The following ANKRD34A variants were observed in gnomAD, a reference collection of about 807,000 sequenced individuals.
The protein encoded by ANKRD34A is ankyrin repeat domain-containing protein 34A.
In ANKRD34A, 7 loss-of-function variants were observed where a neutral mutation model predicts 27.1. That is an observed-to-expected ratio of 0.26 (90% confidence interval 0.15 to 0.49). The LOEUF (loss-of-function observed/expected upper bound fraction) is 0.49. Among genes scored for constraint, ANKRD34A ranks in the 20% least tolerant of loss-of-function variants. ANKRD34A has a pLI of 0.99. For missense variants in ANKRD34A, 472 were observed against 682.1 expected (o/e 0.69, Z 3.43); for synonymous variants, 301 against 300.8 (o/e 1.00, Z -0.01).
chr1:145,961,905 G>T lies in ANKRD34A; in HGVS notation c.-120-26C>A, dbSNP rs1649783284. On this transcript the variant is annotated intron_variant, in intron 3 of 3. Transcript: ENST00000606888. The surrounding 1 kb of genome is among the most constrained non-coding windows in gnomAD (Gnocchi z 9.5). Reference sequence around the variant, plus strand: ...CTGCAAGAGAGACATCTCATTGATAGATTCGGCAGGAAAACTGAGGCACAG... The same window carrying T: ...CTGCAAGAGAGACATCTCATTGATATATTCGGCAGGAAAACTGAGGCACAG... 2 of 976,168 alleles carry T rather than the reference G, an allele frequency of 2.0e-6. No homozygotes were observed. Among genetic ancestry groups the T allele is most frequent in the Non-Finnish European group, 2.9e-6 (2 of 683,882 alleles). 60.5% of individuals were successfully genotyped at this position (976,168 alleles called of 1,614,324 possible). A position where few individuals can be genotyped will look rare whatever the true frequency, so the allele number is the denominator to read the frequency against.
Position 145,961,720 on chromosome 1 carries a change from C to G in ANKRD34A, c.40G>C (p.Gly14Arg). 1 of 1,613,794 alleles carries G rather than the reference C, an allele frequency of 6.2e-7. No individual in the cohort carries two copies. Among genetic ancestry groups the G allele is most frequent in the Non-Finnish European group, 8.5e-7 (1 of 1,179,888 alleles). The part of the protein sequence containing the change: ...TEGHALLRAV[G>R]QGKLRLARLL... ...CGGGCCAAGCGTAGCTTACCCTGACCCACCGCCCGAAGAAGAGCGTGGCCC... is the reference window on the plus strand; with the variant it reads ...CGGGCCAAGCGTAGCTTACCCTGACGCACCGCCCGAAGAAGAGCGTGGCCC... Residue 14 changes from glycine to arginine, a missense_variant, in exon 4 of 4, where the codon GGT becomes CGT. Coordinates refer to ENST00000606888, the MANE Select transcript of ANKRD34A (RefSeq NM_001039888.4). The surrounding 1 kb of genome is among the most constrained non-coding windows in gnomAD (Gnocchi z 9.5).
rs1649661702 is a variant in ANKRD34A, at chr1:145,960,069, C to T, written c.*200G>A. 3.5e-6 allele frequency: 2 copies of T among 567,814 alleles called. No homozygotes were observed. Among genetic ancestry groups the T allele is most frequent in the East Asian group, 3.4e-5 (1 of 29,732 alleles). 35.2% of individuals were successfully genotyped at this position (567,814 alleles called of 1,614,324 possible). A position where few individuals can be genotyped will look rare whatever the true frequency, so the allele number is the denominator to read the frequency against. ...GGGCATGAATACATGTGTGTATATA[C>T]CCAGTAAATAGAGTACTTATTCTTT... On this transcript the variant is annotated 3_prime_UTR_variant, in exon 4 of 4. Transcript: ENST00000606888. The surrounding 1 kb of genome is among the most constrained non-coding windows in gnomAD (Gnocchi z 5.5).
In ANKRD34A at chr1:145,960,787, G is replaced by A. The variant is rs200631287; in HGVS notation, c.973C>T (p.Pro325Ser). 1 of 1,614,230 alleles carries A rather than the reference G, an allele frequency of 6.2e-7. No individual in the cohort carries two copies. Among genetic ancestry groups the A allele is most frequent in the Admixed American group, 1.7e-5 (1 of 60,034 alleles). Residue 325 changes from proline to serine, a missense_variant, in exon 4 of 4, where the codon CCC becomes TCC. Coordinates refer to ENST00000606888, the MANE Select transcript of ANKRD34A (RefSeq NM_001039888.4). The surrounding 1 kb of genome is among the most constrained non-coding windows in gnomAD (Gnocchi z 5.5). ...AGTTTCTGCCTCAGCCCTGAAGGGG[G>A]ACCAGACTCCTGAGCTTCTGGTGCT... ...NTAPEAQESG[P>S]PSGLRQKLSR...
Position 145,960,817 on chromosome 1 carries a change from T to A in ANKRD34A, c.943A>T (p.Asn315Tyr). The change falls in exon 4 of 4, where the codon AAC (asparagine) becomes TAC (tyrosine). Residue 315 changes from asparagine (N) to tyrosine (Y), a missense_variant. Asn to Tyr is a moderately radical substitution (Grantham distance 143). This residue lies in a region of ANKRD34A where 295 missense variants were observed against 335.0 expected (regional missense o/e 0.88). Coordinates refer to ENST00000606888, the MANE Select transcript of ANKRD34A (RefSeq NM_001039888.4). The surrounding 1 kb of genome is among the most constrained non-coding windows in gnomAD (Gnocchi z 5.5). Reference protein sequence around the residue: ...VTSGGPLSRRNTAPEAQESGP... With the variant: ...VTSGGPLSRRYTAPEAQESGP... ...GACTCCTGAGCTTCTGGTGCTGTGT[T>A]TCGGCGAGAGAGAGGACCCCCGCTA... 6.2e-7 allele frequency: 1 copy of A among 1,614,248 alleles called. No homozygotes were observed. The highest frequency in any genetic ancestry group is 8.5e-7 in the Non-Finnish European group (1 of 1,180,034).
chr1:145,961,822 G>T lies in ANKRD34A; in HGVS notation c.-63C>A. The stretch of plus-strand genomic sequence containing the variant: ...CTGAGACCTGCCGAGGATGACTAGG[G>T]GTATGGGGAGGGGGAGTGGCTGGCA... On this transcript the variant is annotated 5_prime_UTR_variant, in exon 4 of 4. Coordinates refer to ENST00000606888, the MANE Select transcript of ANKRD34A (RefSeq NM_001039888.4). This position sits in a 1 kb window ranked among gnomAD's most constrained non-coding sequence, Gnocchi z 9.5. 2.0e-6 allele frequency: 3 copies of T among 1,516,636 alleles called. No individual in the cohort carries two copies. Among genetic ancestry groups the T allele is most frequent in the Admixed American group, 4.2e-5 (2 of 47,522 alleles). 93.9% of individuals were successfully genotyped at this position (1,516,636 alleles called of 1,614,324 possible). A position where few individuals can be genotyped will look rare whatever the true frequency, so the allele number is the denominator to read the frequency against.
At chr1:145,962,060 A>C (rs2101919483) in intron 3 of ANKRD34A, among the ~76,000 whole-genome samples, 181 bp from the exon 4 acceptor site, 1 of 152,046 alleles carries the variant, frequency 6.6e-6, no homozygotes, top group East Asian at 2.0e-4. Context: ...CCCGCACTGA[A>C]GGACTAGCGC....
At position 145,959,777 on chromosome 1, in the gene ANKRD34A, C is replaced by A; in HGVS notation, c.*492G>T. ...GCAGGGTGTGAATAAGGAGCCAGGC[C>A]TGGAGAAAGAAGCAAGACCTGCAGA... On this transcript the variant is annotated 3_prime_UTR_variant, in exon 4 of 4. Transcript: ENST00000606888. The A allele has an allele frequency of 5.8e-6, 1 of 173,036 alleles. No homozygotes were observed. The highest frequency in any genetic ancestry group is 1.4e-5 in the Non-Finnish European group (1 of 71,326). The allele number at this position is 173,036 out of a possible 1,614,324, so 10.7% of individuals were successfully genotyped here. A position where few individuals can be genotyped will look rare whatever the true frequency, so the allele number is the denominator to read the frequency against.
In ANKRD34A at chr1:145,960,755, G is replaced by A. The variant is rs782074916; in HGVS notation, c.1005C>T (p.Arg335=). 1.9e-6 allele frequency: 3 copies of A among 1,614,120 alleles called. No homozygotes were observed. The highest frequency in any genetic ancestry group is 1.1e-5 in the South Asian group (1 of 91,092). ...GGGTGTCCAGCTCCACTGGCTCCATGCGGCTCAGTTTCTGCCTCAGCCCTG... is the reference window on the plus strand; with the variant it reads ...GGGTGTCCAGCTCCACTGGCTCCATACGGCTCAGTTTCTGCCTCAGCCCTG... ...PPSGLRQKLS[R]MEPVELDTPG... is the part of the protein sequence containing the mutation. Residue 335 remains arginine (R), a synonymous_variant, in exon 4 of 4, where the codon CGC becomes CGT. Transcript: ENST00000606888. This position sits in a 1 kb window ranked among gnomAD's most constrained non-coding sequence, Gnocchi z 5.5.
chr1:145,961,820 G>C lies in ANKRD34A; in HGVS notation c.-61C>G, dbSNP rs1570983256. 6.6e-7 allele frequency: 1 copy of C among 1,523,428 alleles called. No homozygotes were observed. Among genetic ancestry groups the C allele is most frequent in the South Asian group, 1.2e-5 (1 of 80,632 alleles). 94.4% of individuals were successfully genotyped at this position (1,523,428 alleles called of 1,614,324 possible). On this transcript the variant is annotated 5_prime_UTR_variant, in exon 4 of 4. Transcript: ENST00000606888. This position sits in a 1 kb window ranked among gnomAD's most constrained non-coding sequence, Gnocchi z 9.5. Reference sequence around the variant, plus strand: ...GACTGAGACCTGCCGAGGATGACTAGGGGTATGGGGAGGGGGAGTGGCTGG... The same window carrying C: ...GACTGAGACCTGCCGAGGATGACTACGGGTATGGGGAGGGGGAGTGGCTGG...
intron 1 of ANKRD34A, among the ~76,000 whole-genome samples, 198 bp downstream of exon 1, chr1:145,963,986 A>T (rs782612070): frequency 5.3e-5 from 8 of 152,162 alleles, no homozygotes; most frequent in Non-Finnish European, 7.4e-5. Flanking sequence ...CCTAGATTTC[A>T]TCTCCATTCT....
Position 145,961,083 on chromosome 1 carries a change from G to A in ANKRD34A, c.677C>T (p.Ser226Phe). 6.2e-7 allele frequency: 1 copy of A among 1,613,810 alleles called. No individual in the cohort carries two copies. The highest frequency in any genetic ancestry group is 1.7e-5 in the Admixed American group (1 of 60,026). The stretch of plus-strand genomic sequence containing the variant: ...TGGTTTGGGGAGCGGCTCGGAAGGG[G>A]ATGGGTCATCGGGGGGCTTAGGAAG... Reference protein sequence around the residue: ...FPLPKPPDDPSPSEPLPKPPR... With the variant: ...FPLPKPPDDPFPSEPLPKPPR... The change falls in exon 4 of 4, where the codon TCC becomes TTC. Residue 226 changes from serine to phenylalanine, a missense_variant. This residue lies in a region of ANKRD34A where 295 missense variants were observed against 335.0 expected (regional missense o/e 0.88). Transcript: ENST00000606888. This position sits in a 1 kb window ranked among gnomAD's most constrained non-coding sequence, Gnocchi z 9.5.
In ANKRD34A at chr1:145,959,489, T is replaced by A. The variant is rs1296203556; in HGVS notation, c.*780A>T. On this transcript the variant is annotated 3_prime_UTR_variant, in exon 4 of 4. Transcript: ENST00000606888. ...TATGTCAAGTGGAGAGAGGAGTGAT[T>A]TAGGGTTTCTCCCCACTTCTACCTG... 1.2e-5 allele frequency: 2 copies of A among 166,986 alleles called. No individual in the cohort carries two copies. Among genetic ancestry groups the A allele is most frequent in the Non-Finnish European group, 1.5e-5 (1 of 68,102 alleles). The allele number at this position is 166,986 out of a possible 1,614,324, so 10.3% of individuals were successfully genotyped here.
Position 145,961,309 on chromosome 1 carries a change from A to T in ANKRD34A, c.451T>A (p.Ser151Thr). Residue 151 changes from serine to threonine, a missense_variant, in exon 4 of 4, where the codon TCA becomes ACA. Ser to Thr is a moderately conservative substitution (Grantham distance 58). Around this residue, in one of 4 missense-constraint regions of ANKRD34A, gnomAD observed 118 missense variants for 253.6 expected, o/e 0.47. Coordinates refer to ENST00000606888, the MANE Select transcript of ANKRD34A (RefSeq NM_001039888.4). The surrounding 1 kb of genome is among the most constrained non-coding windows in gnomAD (Gnocchi z 9.5). The stretch of plus-strand genomic sequence containing the variant: ...TACTGCCGGGTCTTCTTGGTGCCTG[A>T]GGGCGAGGTATCGGTGGTGATGATG... ...VIIITTDTSP[S>T]GTKKTRQYLN... 1 of 1,613,916 alleles carries T rather than the reference A, an allele frequency of 6.2e-7. No individual in the cohort carries two copies. The highest frequency in any genetic ancestry group is 8.5e-7 in the Non-Finnish European group (1 of 1,179,982).
At position 145,960,894 on chromosome 1, in the gene ANKRD34A, C is replaced by T; in HGVS notation, c.866G>A (p.Arg289His). The change falls in exon 4 of 4, where the codon CGT (arginine) becomes CAT (histidine). Residue 289 changes from arginine to histidine, a missense_variant. Around this residue, in one of 4 missense-constraint regions of ANKRD34A, gnomAD observed 295 missense variants for 335.0 expected, o/e 0.88. Transcript: ENST00000606888. The surrounding 1 kb of genome is among the most constrained non-coding windows in gnomAD (Gnocchi z 5.5). ...TLTGRPRLSR[R>H]HSTEGPEDPP... ...GTCCTCAGGGCCTTCGGTGCTGTGA[C>T]GTCGGGAAAGACGGGGTCGACCGGT... 2 of 1,614,234 alleles carry T rather than the reference C, an allele frequency of 1.2e-6. No homozygotes were observed. The highest frequency in any genetic ancestry group is 1.7e-6 in the Non-Finnish European group (2 of 1,180,042).
At position 145,961,599 on chromosome 1, in the gene ANKRD34A, T is replaced by A; in HGVS notation, c.161A>T (p.Gln54Leu). The change falls in exon 4 of 4, where the codon CAG becomes CTG. Residue 54 changes from glutamine to leucine, a missense_variant. Gln to Leu is a moderately radical substitution (Grantham distance 113). Transcript: ENST00000606888. The surrounding 1 kb of genome is among the most constrained non-coding windows in gnomAD (Gnocchi z 9.5). ...GTAGCGTACCATGCGTGCCTTGTTC[T>A]GGGGGTCGTCGTAGCGGGCCCGACA... ...AACRARYDDP[Q>L]NKARMVRYLL... The A allele has an allele frequency of 6.2e-7, 1 of 1,610,802 alleles. No homozygotes were observed. Among genetic ancestry groups the A allele is most frequent in the Non-Finnish European group, 8.5e-7 (1 of 1,178,264 alleles).
rs782156372 is a variant in ANKRD34A, at chr1:145,961,992, A to G, written c.-120-113T>C. 5 of 536,470 alleles carry G rather than the reference A, an allele frequency of 9.3e-6. No homozygotes were observed. Among genetic ancestry groups the G allele is most frequent in the South Asian group, 2.3e-5 (1 of 42,978 alleles). 33.2% of individuals were successfully genotyped at this position (536,470 alleles called of 1,614,324 possible). ...CGGCATACAGTCCTTCCTCTAACTC[A>G]TGCCTTTGAGCCGGCCCTTCCCCCG... On this transcript the variant is annotated intron_variant, in intron 3 of 3. Coordinates refer to ENST00000606888, the MANE Select transcript of ANKRD34A (RefSeq NM_001039888.4). This position sits in a 1 kb window ranked among gnomAD's most constrained non-coding sequence, Gnocchi z 9.5.
At position 145,960,929 on chromosome 1, in the gene ANKRD34A, G is replaced by T. The variant is rs782234921; in HGVS notation, c.831C>A (p.Gly277=). 1 of 1,614,224 alleles carries T rather than the reference G, an allele frequency of 6.2e-7. No homozygotes were observed. Among genetic ancestry groups the T allele is most frequent in the Non-Finnish European group, 8.5e-7 (1 of 1,180,024 alleles). Residue 277 remains glycine, a synonymous_variant, in exon 4 of 4, where the codon GGC becomes GGA. Transcript: ENST00000606888. The surrounding 1 kb of genome is among the most constrained non-coding windows in gnomAD (Gnocchi z 5.5). ...GIERLTAEFN[G]LTLTGRPRLS... ...GACGGGGTCGACCGGTCAGGGTCAG[G>T]CCATTGAATTCGGCAGTCAAGCGCT...
rs1193839090 is a variant in ANKRD34A at position 145,960,916 on chromosome 1, C to T, written c.844G>A (p.Gly282Ser). 10 of 1,614,082 alleles carry T rather than the reference C, an allele frequency of 6.2e-6. No homozygotes were observed. The highest frequency in any genetic ancestry group is 1.1e-5 in the South Asian group (1 of 91,092). Residue 282 changes from glycine to serine, a missense_variant, in exon 4 of 4, where the codon GGT (glycine) becomes AGT (serine). Coordinates refer to ENST00000606888, the MANE Select transcript of ANKRD34A (RefSeq NM_001039888.4). This position sits in a 1 kb window ranked among gnomAD's most constrained non-coding sequence, Gnocchi z 5.5. Reference sequence around the variant, plus strand: ...TGACGTCGGGAAAGACGGGGTCGACCGGTCAGGGTCAGGCCATTGAATTCG... The same window carrying T: ...TGACGTCGGGAAAGACGGGGTCGACTGGTCAGGGTCAGGCCATTGAATTCG... The part of the protein sequence containing the change: ...TAEFNGLTLT[G>S]RPRLSRRHST...
chr1:145,964,567 T>G lies in ANKRD34A; in HGVS notation c.-1280A>C, dbSNP rs1363659610. The G allele has an allele frequency of 6.6e-6, 1 of 152,274 alleles. No homozygotes were observed. Among genetic ancestry groups the G allele is most frequent in the Non-Finnish European group, 1.5e-5 (1 of 68,078 alleles). 9.4% of individuals were successfully genotyped at this position (152,274 alleles called of 1,614,324 possible). A position where few individuals can be genotyped will look rare whatever the true frequency, so the allele number is the denominator to read the frequency against. ...TGCGACCCGCTTCGCAAGCTTCGGTTCCGGGCGTACTCGCTCCCTCCCTCC... is the reference window on the plus strand; with the variant it reads ...TGCGACCCGCTTCGCAAGCTTCGGTGCCGGGCGTACTCGCTCCCTCCCTCC... On this transcript the variant is annotated 5_prime_UTR_variant, in exon 1 of 4. Transcript: ENST00000606888.
Sources: gnomAD v4.1 joint callset for allele counts (sites outside exome capture counted in the v4.1 genomes callset) on GRCh38, gnomAD v4.1.1 for gene constraint, gnomAD v4.1.1 regional missense constraint, Gnocchi (gnomAD v3.1) non-coding constraint, MANE v1.5 for transcripts, NCBI Gene and HGNC (gene_info 2026-07-23, HGNC 2026-07-21) for gene names.